Variants in SGCD observed in about 807,000 individuals in gnomAD.
SGCD encodes the protein delta-sarcoglycan.
SGCD carries 18 observed loss-of-function variants against 36.6 expected under a neutral mutation model. The observed-to-expected ratio is 0.49, with a 90% confidence interval of 0.34 to 0.73. The LOEUF (loss-of-function observed/expected upper bound fraction) is 0.73, where lower values mean the gene tolerates loss of function less well. Ranked by LOEUF, SGCD falls within the 30% of genes least tolerant of loss-of-function variation. The probability of loss-of-function intolerance (pLI) is 0.01; values close to 1 mark genes in which losing one functional copy is unlikely to be tolerated. For synonymous variants in SGCD, 133 were observed against 130.6 expected (o/e 1.02, Z -0.12); for missense variants, 387 against 346.7 (o/e 1.12, Z -0.92).
At chr5:156,470,971 T>C (rs1182765556) in intron 3 of SGCD, among the ~76,000 whole-genome samples, 3 of 152,174 alleles carry the variant, frequency 2.0e-5, no homozygotes, top group African/African-American at 4.8e-5. Flanking sequence ...GCCTTCTTTT[T>C]TTTTGATGTT....
At chr5:156,231,936 C>G (rs1765030563) in intron 3 of SGCD, among the ~76,000 whole-genome samples, 1 of 152,194 alleles carries the variant, frequency 6.6e-6, no homozygotes, top group Admixed American at 6.5e-5. Flanking sequence ...CTTTCCTTGA[C>G]ATGAGTCAAC....
the SGCD span, among the ~76,000 whole-genome samples, chr5:155,823,304 GAAAAAA>G: frequency 4.5e-5 from 5 of 110,532 alleles, no homozygotes; most frequent in Admixed American, 9.3e-5. Context: ...CAGTGAAGCA[GAAAAAA>G]AAAAAAAAAA....
chr5:155,937,505 G>A (rs1027775419), intron 1 of SGCD, among the ~76,000 whole-genome samples: 2 of 152,228 alleles, frequency 1.3e-5, no homozygotes, highest in East Asian at 1.9e-4. Flanking sequence ...AAAAGAAGTG[G>A]AGGGAGAAAG....
chr5:156,079,631 A>G (rs560561514), intron 1 of SGCD, among the ~76,000 whole-genome samples: 48 of 152,332 alleles, frequency 3.2e-4, no homozygotes, highest in African/African-American at 1.2e-3. Context: ...TGAGAGTTCA[A>G]AACCGGGGAT....
rs532162047 is a variant in SGCD at position 156,116,721 on chromosome 5, C to T, written c.-281-1157C>T. 2.6e-5 allele frequency among the ~76,000 whole-genome samples: 4 copies of T among 152,196 alleles called. No individual in the cohort carries two copies. In the South Asian group the frequency reaches 6.2e-4, roughly 24 times the overall value. ...TGTTACACAAGTTACTTTAACACTC[C>T]GAGCCTTCCCATTCCCCATCTACAA... is the stretch of plus-strand genomic sequence containing the variant. On this transcript the variant is annotated intron_variant, in intron 1 of 9. Coordinates refer to the SGCD transcript ENST00000517913.
the SGCD span, among the ~76,000 whole-genome samples, chr5:155,799,087 CA>C: frequency 3.9e-5 from 6 of 152,154 alleles, no homozygotes; most frequent in Non-Finnish European, 8.8e-5. Context: ...GTCCAAGGGA[CA>C]AAGCCTTCTC....
intron 7 of SGCD, among the ~76,000 whole-genome samples, chr5:156,680,375 A>T (rs1031445563): frequency 6.6e-6 from 1 of 152,174 alleles, no homozygotes; most frequent in Non-Finnish European, 1.5e-5. Context: ...CATGATTACT[A>T]GAATCTTGAC....
chr5:156,505,796 C>T (rs1756668191), intron 3 of SGCD, among the ~76,000 whole-genome samples: 2 of 152,082 alleles, frequency 1.3e-5, no homozygotes, highest in African/African-American at 4.8e-5. Context: ...CACACACACA[C>T]ACACACACCC....
intron 1 of SGCD, among the ~76,000 whole-genome samples, chr5:155,958,915 C>G (rs1757725739): frequency 6.6e-6 from 1 of 152,092 alleles, no homozygotes. Context: ...GATTTTTCAA[C>G]CTAACTCCAA....
At chr5:156,124,628 A>C (rs1762126564) in intron 3 of SGCD, among the ~76,000 whole-genome samples, 2 of 152,172 alleles carry the variant, frequency 1.3e-5, no homozygotes, top group African/African-American at 4.8e-5. Flanking sequence ...ATACATCCTT[A>C]TACACATACA....
At chr5:156,403,855 GA>G (rs1244604596) in intron 3 of SGCD, among the ~76,000 whole-genome samples, 2 of 146,762 alleles carry the variant, frequency 1.4e-5, no homozygotes, top group African/African-American at 5.1e-5. Context: ...TTTTTTTTGA[GA>G]TGGAGGCTCA....
At chr5:156,125,839 TTTATTATTATTA>T (rs144493356) in intron 3 of SGCD, among the ~76,000 whole-genome samples, 2,739 of 131,464 alleles carry the variant, frequency 0.021, 58 homozygotes, top group African/African-American at 0.054. Flanking sequence ...CACTCATTCT[TTTATTATTATTA>T]TTATTATTAT....
intron 1 of SGCD, chr5:155,870,508 C>T (rs1013001893): frequency 6.6e-5 from 10 of 152,202 alleles, no homozygotes; most frequent in African/African-American, 2.4e-4. Flanking sequence ...AGTTAATAAA[C>T]ATGGCTTGCG....
chr5:156,073,348 A>T (rs1201181995), intron 1 of SGCD, among the ~76,000 whole-genome samples: 1 of 152,164 alleles, frequency 6.6e-6, no homozygotes, highest in Non-Finnish European at 1.5e-5. Flanking sequence ...ACTTTAGCCC[A>T]GGATTTCAAG....
At chr5:155,757,309 T>C in the SGCD span, among the ~76,000 whole-genome samples, 1 of 152,302 alleles carries the variant, frequency 6.6e-6, no homozygotes, top group East Asian at 1.9e-4. Context: ...CACTAAGTGA[T>C]TTTCATATAT....
intron 1 of SGCD, among the ~76,000 whole-genome samples, chr5:155,940,393 C>T (rs1757297530): frequency 6.6e-6 from 1 of 152,148 alleles, no homozygotes; most frequent in African/African-American, 2.4e-5. Flanking sequence ...CAAACTTTGG[C>T]TCCAACATAT....
intron 4 of SGCD, among the ~76,000 whole-genome samples, chr5:156,514,613 T>C (rs2127885248): frequency 6.6e-6 from 1 of 152,336 alleles, no homozygotes; most frequent in Admixed American, 6.5e-5. Context: ...TAAGATAGTC[T>C]CATGTATGAA....
intron 1 of SGCD, among the ~76,000 whole-genome samples, chr5:155,921,349 A>G (rs1047034868): frequency 6.6e-6 from 1 of 152,188 alleles, no homozygotes; most frequent in African/African-American, 2.4e-5. Flanking sequence ...CGCAGTGTGT[A>G]CAGACAACTC....
At chr5:156,298,793 A>T (rs1322575865) in intron 3 of SGCD, among the ~76,000 whole-genome samples, 1 of 151,962 alleles carries the variant, frequency 6.6e-6, no homozygotes, top group Non-Finnish European at 1.5e-5. Flanking sequence ...TAATTAGATT[A>T]TTAGATATTT....
Sources: gnomAD v4.1 joint callset for allele counts (sites outside exome capture counted in the v4.1 genomes callset) on GRCh38, gnomAD v4.1.1 for gene constraint, MANE v1.5 for transcripts, NCBI Gene and HGNC (gene_info 2026-07-23, HGNC 2026-07-21) for gene names.